MBD5: variants seen among roughly 807,000 people sequenced by gnomAD.
MBD5 encodes the protein methyl-CpG-binding domain protein 5.
MBD5 carries 13 observed loss-of-function variants against 117.3 expected under a neutral mutation model. The observed-to-expected ratio is 0.11, with a 90% CI of 0.07 to 0.18. MBD5 has a LOEUF of 0.18. Among genes scored for constraint, MBD5 ranks in the 10% least tolerant of loss-of-function variants. The pLI, the probability that MBD5 is intolerant of heterozygous loss-of-function variation, is 1.00. For synonymous variants in MBD5, 727 were observed against 766.4 expected (o/e 0.95, Z 0.85); for missense variants, 1,879 against 2,093.8 (o/e 0.90, Z 2.00).
intron 1 of MBD5, among the ~76,000 whole-genome samples, chr2:148,164,326 C>T (rs1353412195): frequency 6.6e-6 from 1 of 151,588 alleles, no homozygotes; most frequent in Non-Finnish European, 1.5e-5. Context: ...TAGTGGATGC[C>T]AGAATACTAG....
At chr2:148,183,201 T>TA (rs1698570281) in intron 2 of MBD5, among the ~76,000 whole-genome samples, 5 of 152,114 alleles carry the variant, frequency 3.3e-5, no homozygotes, top group Admixed American at 3.3e-4. Context: ...GTCCTCTACA[T>TA]TTGATATATA....
At chr2:148,500,521 T>A (rs953893750) in intron 11 of MBD5, among the ~76,000 whole-genome samples, 1 of 152,102 alleles carries the variant, frequency 6.6e-6, no homozygotes, top group Non-Finnish European at 1.5e-5. Flanking sequence ...GCACAAGAAA[T>A]GTTTTTACTG....
chr2:148,314,115 TTTTAGCCATCAGTAGTC>T (rs1702099501), intron 3 of MBD5, among the ~76,000 whole-genome samples: 1 of 151,960 alleles, frequency 6.6e-6, no homozygotes, highest in East Asian at 1.9e-4. Context: ...TGCTTGTACT[TTTTAGCCATCAGTAGTC>T]TTTTCCTTAC....
chr2:148,443,717 A>G (rs1269333509), intron 4 of MBD5, among the ~76,000 whole-genome samples: 1 of 151,154 alleles, frequency 6.6e-6, no homozygotes, highest in African/African-American at 2.5e-5. Flanking sequence ...AATAGAAAGT[A>G]GAAGGATGGT....
At chr2:148,336,919 TC>T (rs1702811147) in intron 3 of MBD5, among the ~76,000 whole-genome samples, 1 of 152,150 alleles carries the variant, frequency 6.6e-6, no homozygotes, top group South Asian at 2.1e-4. Context: ...TGCTGTAATT[TC>T]CAATTGTGAG....
chr2:148,313,073 A>G (rs1036988340), intron 3 of MBD5, among the ~76,000 whole-genome samples: 3 of 151,996 alleles, frequency 2.0e-5, no homozygotes, highest in Non-Finnish European at 4.4e-5. Flanking sequence ...GCTCTCCTGT[A>G]TGGGGTGTCT....
intron 11 of MBD5, among the ~76,000 whole-genome samples, chr2:148,496,155 A>T (rs1681696441): frequency 6.6e-6 from 1 of 152,188 alleles, no homozygotes; most frequent in Non-Finnish European, 1.5e-5. Context: ...TCTCTCTACC[A>T]TAGCATCCAC....
At chr2:148,502,327 G>A in intron 11 of MBD5, 109 bp from the exon 12 acceptor site, 1 of 930,796 alleles carries the variant, frequency 1.1e-6, no homozygotes, top group Non-Finnish European at 1.7e-6. Context: ...GAAGGTTAAG[G>A]CTCCCCTCCC....
chr2:148,261,471 C>T (rs184660425), intron 3 of MBD5, among the ~76,000 whole-genome samples: 51 of 152,264 alleles, frequency 3.3e-4, no homozygotes, highest in Non-Finnish European at 6.6e-4. Context: ...AACCACCTTG[C>T]GTTACTAGGG....
chr2:148,201,590 C>T (rs749083131), intron 2 of MBD5, among the ~76,000 whole-genome samples: 1 of 152,182 alleles, frequency 6.6e-6, no homozygotes, highest in Admixed American at 6.5e-5. Flanking sequence ...CACAGTGTTA[C>T]AGCCTTCTGT....
At chr2:148,325,613 A>G (rs910732243) in intron 3 of MBD5, among the ~76,000 whole-genome samples, 73 of 152,104 alleles carry the variant, frequency 4.8e-4, no homozygotes, top group African/African-American at 1.6e-3. Context: ...ATTTTCTAGT[A>G]TATTTGCGTA....
intron 3 of MBD5, among the ~76,000 whole-genome samples, chr2:148,302,655 G>T (rs1701799717): frequency 6.6e-6 from 1 of 151,944 alleles, no homozygotes; most frequent in Non-Finnish European, 1.5e-5. Flanking sequence ...GTTTTCTGGA[G>T]ACACGGTCTT....
In MBD5 at chr2:148,469,570, A is replaced by T. The variant is rs1414607857; in HGVS notation, c.1627A>T (p.Thr543Ser). 6.2e-7 allele frequency: 1 copy of T among 1,613,846 alleles called. No homozygotes were observed. The highest frequency in any genetic ancestry group is 8.5e-7 in the Non-Finnish European group (1 of 1,179,902). ...LNTPSSAAFP[T>S]ASAGSSSVKS... Reference sequence around the variant, plus strand: ...TACCCCAAGCAGTGCAGCTTTTCCTACTGCATCTGCCGGAAGTAGTTCTGT... The same window carrying T: ...TACCCCAAGCAGTGCAGCTTTTCCTTCTGCATCTGCCGGAAGTAGTTCTGT... Residue 543 changes from threonine to serine, a missense_variant, in exon 8 of 14, where the codon ACT (threonine) becomes TCT (serine). Coordinates refer to ENST00000642680, the MANE Select transcript of MBD5 (RefSeq NM_001378120.1).
chr2:148,228,436 C>T (rs372439846), intron 2 of MBD5, among the ~76,000 whole-genome samples: 22 of 152,280 alleles, frequency 1.4e-4, no homozygotes, highest in East Asian at 7.7e-4. Context: ...TATGATGAAC[C>T]GGCCATGCAT....
At chr2:148,085,702 C>T (rs1464171718) in intron 1 of MBD5, among the ~76,000 whole-genome samples, 2 of 150,760 alleles carry the variant, frequency 1.3e-5, no homozygotes, top group African/African-American at 2.4e-5. Flanking sequence ...CCAGCCTGGG[C>T]GACATAGCGA....
intron 2 of MBD5, among the ~76,000 whole-genome samples, chr2:148,184,003 C>A (rs1434883650): frequency 6.6e-6 from 1 of 150,638 alleles, no homozygotes; most frequent in Non-Finnish European, 1.5e-5. Flanking sequence ...TCCATCATTC[C>A]TTCAAATACA....
chr2:148,223,150 C>G (rs1699733733), intron 2 of MBD5, among the ~76,000 whole-genome samples: 1 of 151,956 alleles, frequency 6.6e-6, no homozygotes, highest in African/African-American at 2.4e-5. Flanking sequence ...TTCTAATGTA[C>G]TGTTGAATTT....
chr2:148,137,614 G>A (rs1697202463), intron 1 of MBD5, among the ~76,000 whole-genome samples: 2 of 152,116 alleles, frequency 1.3e-5, no homozygotes, highest in Non-Finnish European at 2.9e-5. Flanking sequence ...CAATCGAATC[G>A]AGTCGTACCT....
chr2:148,426,119 G>A (rs948177248), intron 4 of MBD5, among the ~76,000 whole-genome samples: 2 of 152,164 alleles, frequency 1.3e-5, no homozygotes, highest in Non-Finnish European at 2.9e-5. Flanking sequence ...TCTTCAAGGA[G>A]AACTACAAAC....
Sources: allele counts gnomAD v4.1 joint callset (sites outside exome capture counted in the v4.1 genomes callset), GRCh38; gene constraint gnomAD v4.1.1; transcripts MANE v1.5; gene names NCBI Gene and HGNC (gene_info 2026-07-23, HGNC 2026-07-21).